The following STAU2 variants were observed in gnomAD, a reference collection of about 807,000 sequenced individuals.
STAU2 encodes the protein double-stranded RNA-binding protein Staufen homolog 2.
STAU2 carries 20 observed loss-of-function variants against 65.9 expected under a neutral mutation model. The observed-to-expected ratio is 0.30, with a 90% confidence interval of 0.21 to 0.44. The LOEUF (loss-of-function observed/expected upper bound fraction) is 0.44, where lower values mean the gene tolerates loss of function less well. STAU2 is among the 20% of genes least tolerant of loss of function. The probability of loss-of-function intolerance (pLI) is 1.00; values close to 1 mark genes in which losing one functional copy is unlikely to be tolerated. For synonymous variants in STAU2, 232 were observed against 233.9 expected (o/e 0.99, Z 0.07); for missense variants, 558 against 683.9 (o/e 0.82, Z 2.05).
At chr8:73,724,389 C>T (rs1343692145) in intron 3 of STAU2, among the ~76,000 whole-genome samples, 3 of 151,894 alleles carry the variant, frequency 2.0e-5, no homozygotes, top group Non-Finnish European at 4.4e-5. Context: ...ATAAATATAC[C>T]GTCCCTGACT....
chr8:73,505,326 AAC>A (rs1231961872), intron 13 of STAU2, among the ~76,000 whole-genome samples: 1 of 152,152 alleles, frequency 6.6e-6, no homozygotes, highest in East Asian at 1.9e-4. Context: ...GGCAGGAGGA[AAC>A]ACAATGATCA....
At chr8:73,670,980 T>G (rs1817629581) in intron 6 of STAU2, among the ~76,000 whole-genome samples, 1 of 151,970 alleles carries the variant, frequency 6.6e-6, no homozygotes, top group African/African-American at 2.4e-5. Context: ...CAAAATAGAC[T>G]GAAGGTTAAC....
chr8:73,550,129 C>A (rs1048564426), intron 13 of STAU2: 1 of 985,206 alleles, frequency 1.0e-6, no homozygotes, highest in African/African-American at 1.7e-5. Context: ...AATACCAGCT[C>A]ATTCAACCAA....
intron 6 of STAU2, among the ~76,000 whole-genome samples, chr8:73,669,637 T>TTCTCTC (rs34037884): frequency 0.099 from 14,031 of 141,172 alleles, 911 homozygotes; most frequent in East Asian, 0.3. Flanking sequence ...GAGCCTGGAA[T>TTCTCTC]TCTCTCTCTC....
intron 13 of STAU2, among the ~76,000 whole-genome samples, chr8:73,428,042 C>A (rs1816955863): frequency 6.6e-6 from 1 of 152,160 alleles, no homozygotes; most frequent in Non-Finnish European, 1.5e-5. Context: ...CTATATTCAC[C>A]ACACTGTGCA....
chr8:73,701,423 T>C (rs1300181901), intron 4 of STAU2, among the ~76,000 whole-genome samples: 3 of 151,916 alleles, frequency 2.0e-5, no homozygotes, highest in Non-Finnish European at 4.4e-5. Context: ...CTCAAATAAC[T>C]CTATAGGAAA....
chr8:73,697,044 G>GTTGTTTTGTT lies in STAU2; in HGVS notation c.115-8241_115-8232dup, dbSNP rs59831190. ...CCAATACAACTGGCAGCAGACTTTT[G>GTTGTTTTGTT]TTGTTTTGTTTTGTTTTGTTTTGTT... On this transcript the variant is annotated intron_variant, in intron 4 of 14. Coordinates refer to ENST00000524300, the MANE Select transcript of STAU2 (RefSeq NM_001164380.2). 5.4e-3 allele frequency among the ~76,000 whole-genome samples: 813 copies of GTTGTTTTGTT among 151,302 alleles called. 8 individuals carry two copies. The highest frequency in any genetic ancestry group is 0.015 in the African/African-American group (600 of 41,172).
intron 13 of STAU2, among the ~76,000 whole-genome samples, chr8:73,490,347 A>G (rs1821100151): frequency 6.6e-6 from 1 of 152,026 alleles, no homozygotes; most frequent in Non-Finnish European, 1.5e-5. Flanking sequence ...CTGTAGATGG[A>G]AAAAGACTTC....
chr8:73,673,049 A>G, intron 6 of STAU2, 58 bp downstream of exon 6: 1 of 1,411,908 alleles, frequency 7.1e-7, no homozygotes, highest in African/African-American at 1.4e-5. Flanking sequence ...AGTGTGAGAA[A>G]CTTTTATAAC....
At chr8:73,488,376 G>A (rs1821017027) in intron 13 of STAU2, among the ~76,000 whole-genome samples, 1 of 151,950 alleles carries the variant, frequency 6.6e-6, no homozygotes, top group Non-Finnish European at 1.5e-5. Flanking sequence ...AATAGCTTTG[G>A]ATCAGACAGA....
chr8:73,605,612 A>G (rs1811953938), intron 9 of STAU2, among the ~76,000 whole-genome samples: 1 of 151,754 alleles, frequency 6.6e-6, no homozygotes, highest in Non-Finnish European at 1.5e-5. Context: ...CCTGGCCCCC[A>G]GTTGGCTTTT....
chr8:73,525,151 T>C (rs1202194425), intron 13 of STAU2, among the ~76,000 whole-genome samples: 9 of 152,224 alleles, frequency 5.9e-5, no homozygotes, highest in South Asian at 2.1e-4. Context: ...TTTATTCATC[T>C]ACCAATGTGA....
chr8:73,468,636 T>C (rs1819798039), intron 13 of STAU2, among the ~76,000 whole-genome samples: 1 of 152,186 alleles, frequency 6.6e-6, no homozygotes, highest in Non-Finnish European at 1.5e-5. Context: ...CATCAAAAAG[T>C]GGGCGAAGGA....
chr8:73,650,012 C>T (rs554278314), intron 6 of STAU2, among the ~76,000 whole-genome samples: 14 of 150,946 alleles, frequency 9.3e-5, no homozygotes, highest in South Asian at 6.3e-4. Flanking sequence ...GGAAACTGAA[C>T]ATTGATACAA....
chr8:73,561,419 G>A (rs1227591301), intron 12 of STAU2: 1 of 406,098 alleles, frequency 2.5e-6, no homozygotes, highest in Non-Finnish European at 4.9e-6. Flanking sequence ...ACCTTGTGAG[G>A]ATAATGAGTC....
intron 13 of STAU2, among the ~76,000 whole-genome samples, chr8:73,513,779 G>A (rs1202916575): frequency 6.6e-6 from 1 of 152,038 alleles, no homozygotes; most frequent in Non-Finnish European, 1.5e-5. Flanking sequence ...TCATAATGTT[G>A]GTGGGCATGG....
intron 6 of STAU2, among the ~76,000 whole-genome samples, chr8:73,664,135 T>A (rs1817058292): frequency 6.6e-6 from 1 of 152,124 alleles, no homozygotes; most frequent in Non-Finnish European, 1.5e-5. Context: ...CACTGAAGCC[T>A]TGACTTCCCA....
chr8:73,706,463 G>A (rs1586315182), intron 4 of STAU2, among the ~76,000 whole-genome samples: 1 of 152,150 alleles, frequency 6.6e-6, no homozygotes, highest in Non-Finnish European at 1.5e-5. Context: ...TTTCTTACCA[G>A]AGATTATCAT....
At chr8:73,735,731 A>C (rs1239548086) in intron 3 of STAU2, among the ~76,000 whole-genome samples, 1 of 152,186 alleles carries the variant, frequency 6.6e-6, no homozygotes, top group African/African-American at 2.4e-5. Context: ...CATCCAGGGA[A>C]TTGCTTGTGG....
Sources: gnomAD v4.1 joint callset for allele counts (sites outside exome capture counted in the v4.1 genomes callset) on GRCh38, gnomAD v4.1.1 for gene constraint, MANE v1.5 for transcripts, NCBI Gene and HGNC (gene_info 2026-07-23, HGNC 2026-07-21) for gene names.